RAD54L2: variants seen among roughly 807,000 people sequenced by gnomAD.
The protein encoded by RAD54L2 is helicase ARIP4.
Under a neutral mutation model 138.4 loss-of-function variants are expected in RAD54L2, and 27 were observed. The observed-to-expected ratio is 0.20, with a 90% CI of 0.14 to 0.27. RAD54L2 has a LOEUF of 0.27. Among genes scored for constraint, RAD54L2 ranks in the 10% least tolerant of loss-of-function variants. The pLI, the probability that RAD54L2 is intolerant of heterozygous loss-of-function variation, is 1.00. For missense variants in RAD54L2, 1,396 were observed against 1,890.2 expected, an observed-to-expected ratio of 0.74 and a Z score of 4.85; for synonymous variants, 644 against 723.2, an observed-to-expected ratio of 0.89 and a Z score of 1.76.
In RAD54L2 at chr3:51,630,298, G is replaced by A. The variant is rs760648345; in HGVS notation, c.508G>A (p.Gly170Ser). Residue 170 changes from glycine to serine, a missense_variant, in exon 6 of 23, where the codon GGT (glycine) becomes AGT (serine). Gly to Ser is a moderately conservative substitution (Grantham distance 56). Coordinates refer to ENST00000684192, the MANE Select transcript of RAD54L2 (RefSeq NM_015106.4). ...PEEIALRASD[G>S]PQLPPRVLAQ... ...GGAAATTGCTTTAAGGGCAAGTGAC[G>A]GTCCCCAACTGCCTCCTCGGGTCTT... 12 of 1,613,944 alleles carry A rather than the reference G, an allele frequency of 7.4e-6. No individual in the cohort carries two copies. The highest frequency in any genetic ancestry group is 4.5e-5 in the East Asian group (2 of 44,880).
At chr3:51,654,375 G>C (rs757056204) in intron 19 of RAD54L2, among the ~76,000 whole-genome samples, 3 of 152,090 alleles carry the variant, frequency 2.0e-5, no homozygotes, top group Non-Finnish European at 4.4e-5. Context: ...ATAGCAAATT[G>C]AAGATACTTT....
chr3:51,634,841 A>G (rs1700944039), intron 9 of RAD54L2, among the ~76,000 whole-genome samples: 1 of 152,220 alleles, frequency 6.6e-6, no homozygotes, highest in African/African-American at 2.4e-5. Flanking sequence ...CTATATATGT[A>G]TGCCATAAAG....
At chr3:51,563,901 A>T (rs1355461872) in intron 2 of RAD54L2, among the ~76,000 whole-genome samples, 1 of 152,220 alleles carries the variant, frequency 6.6e-6, no homozygotes, top group Non-Finnish European at 1.5e-5. Context: ...TCTCTTAAAT[A>T]ATTCCTTAAA....
intron 2 of RAD54L2, among the ~76,000 whole-genome samples, chr3:51,583,834 A>C (rs1436286000): frequency 6.7e-6 from 1 of 149,514 alleles, no homozygotes; most frequent in Non-Finnish European, 1.5e-5. Context: ...TTTATCTTGC[A>C]CTTTGAATGG....
At chr3:51,554,872 T>A (rs1397554269) in intron 2 of RAD54L2, among the ~76,000 whole-genome samples, 1 of 152,146 alleles carries the variant, frequency 6.6e-6, no homozygotes, top group Non-Finnish European at 1.5e-5. Context: ...AGACAAGGTC[T>A]CCCTTTGTCT....
intron 3 of RAD54L2, among the ~76,000 whole-genome samples, chr3:51,607,717 G>A (rs1359492272): frequency 3.3e-5 from 5 of 151,296 alleles, no homozygotes; most frequent in African/African-American, 7.3e-5. Context: ...CAGACGGGGC[G>A]GCGGCCGGGC....
At chr3:51,607,446 T>C (rs1700212619) in intron 3 of RAD54L2, among the ~76,000 whole-genome samples, 1 of 152,214 alleles carries the variant, frequency 6.6e-6, no homozygotes, top group Admixed American at 6.5e-5. Flanking sequence ...ATCAACAGCA[T>C]CCCAAGGCAG....
intron 2 of RAD54L2, among the ~76,000 whole-genome samples, chr3:51,574,631 G>T (rs1227641608): frequency 1.3e-5 from 2 of 152,150 alleles, no homozygotes; most frequent in Non-Finnish European, 2.9e-5. Context: ...TCTGTTGGCT[G>T]CATAAATGTC....
intron 3 of RAD54L2, among the ~76,000 whole-genome samples, chr3:51,624,520 A>G (rs918770097): frequency 6.6e-6 from 1 of 152,084 alleles, no homozygotes; most frequent in African/African-American, 2.4e-5. Context: ...ATGGCCTCCC[A>G]GAGTGCTGGG....
At position 51,560,177 on chromosome 3, in the gene RAD54L2, A is replaced by G. The variant is rs904267060; in HGVS notation, c.-55+18527A>G. ...CAGTGTTGATAGTAAAAGCTGAAAT[A>G]TGTGTGGCATCTGGTTTTCAACCTG... On this transcript the variant is annotated intron_variant, in intron 2 of 22. Coordinates refer to ENST00000684192, the MANE Select transcript of RAD54L2 (RefSeq NM_015106.4). 3.3e-5 allele frequency among the ~76,000 whole-genome samples: 5 copies of G among 152,180 alleles called. No individual in the cohort carries two copies. In the South Asian group the frequency reaches 6.2e-4, roughly 19 times the overall value.
At chr3:51,559,274 T>C (rs1029631925) in intron 2 of RAD54L2, among the ~76,000 whole-genome samples, 2 of 152,236 alleles carry the variant, frequency 1.3e-5, no homozygotes, top group Non-Finnish European at 2.9e-5. Flanking sequence ...CCCCAGGTTA[T>C]ACTCTCCAGC....
chr3:51,629,821 C>T (rs1450291622), intron 5 of RAD54L2, among the ~76,000 whole-genome samples: 1 of 151,852 alleles, frequency 6.6e-6, no homozygotes, highest in East Asian at 1.9e-4. Context: ...TGAGACTGCG[C>T]CACTGTACTC....
chr3:51,650,041 A>G (rs1701388701), intron 19 of RAD54L2, among the ~76,000 whole-genome samples: 1 of 152,250 alleles, frequency 6.6e-6, no homozygotes, highest in South Asian at 2.1e-4. Flanking sequence ...CAGGAGACCC[A>G]TCTCACGTGC....
At chr3:51,648,687 A>G (rs915984049) in intron 19 of RAD54L2, among the ~76,000 whole-genome samples, 2 of 152,210 alleles carry the variant, frequency 1.3e-5, no homozygotes, top group Non-Finnish European at 2.9e-5. Context: ...ACCTCCAGCA[A>G]ACTCCAACAG....
chr3:51,646,849 C>G (rs1449906517), intron 19 of RAD54L2, among the ~76,000 whole-genome samples: 1 of 151,692 alleles, frequency 6.6e-6, no homozygotes, highest in South Asian at 2.1e-4. Flanking sequence ...GATGAAGGCT[C>G]TGTTCCCTTG....
Position 51,663,593 on chromosome 3 carries a change from GCAAAAA to G in RAD54L2, c.*174_*179del. 3.3e-5 allele frequency: 3 copies of G among 92,004 alleles called. No homozygotes were observed. Among genetic ancestry groups the G allele is most frequent in the South Asian group, 4.7e-4 (1 of 2,110 alleles). The allele number at this position is 92,004 out of a possible 1,614,324, so 5.7% of individuals were successfully genotyped here. ...GCTCTGTTGCTGTTTAACAAAAGAG[GCAAAAA>G]AAAAAAAAAAAAAAAAAAAGTCCAA... is the stretch of plus-strand genomic sequence containing the variant. On this transcript the variant is annotated 3_prime_UTR_variant, in exon 23 of 23. Transcript: ENST00000684192.
chr3:51,583,149 A>T (rs1699644780), intron 2 of RAD54L2, among the ~76,000 whole-genome samples: 1 of 152,236 alleles, frequency 6.6e-6, no homozygotes, highest in Admixed American at 6.5e-5. Context: ...TAAAACAATA[A>T]AATTGGAAGA....
chr3:51,595,750 C>T (rs1699944774), intron 3 of RAD54L2, among the ~76,000 whole-genome samples: 1 of 151,992 alleles, frequency 6.6e-6, no homozygotes, highest in Non-Finnish European at 1.5e-5. Context: ...GGTTTTTCAT[C>T]CCCCTCTTTT....
chr3:51,570,010 T>C (rs1489097985), intron 2 of RAD54L2, among the ~76,000 whole-genome samples: 2 of 151,808 alleles, frequency 1.3e-5, no homozygotes, highest in African/African-American at 4.8e-5. Flanking sequence ...TTTTGTAGTT[T>C]TTTATAGAGA....
Sources: allele counts gnomAD v4.1 joint callset (sites outside exome capture counted in the v4.1 genomes callset), GRCh38; gene constraint gnomAD v4.1.1; transcripts MANE v1.5; gene names NCBI Gene and HGNC (gene_info 2026-07-23, HGNC 2026-07-21).